Variants in KIAA1328 observed in about 807,000 individuals in gnomAD.
KIAA1328 encodes KIAA1328, also known as protein hinderin.
A neutral mutation model predicts 68.1 loss-of-function variants in KIAA1328; 52 were observed. The ratio of observed to expected loss-of-function variants is 0.76; its 90% CI spans 0.61 to 0.96. KIAA1328 has a LOEUF of 0.96. KIAA1328 is among the 40% of genes least tolerant of loss of function. The pLI is 0.00. For synonymous variants in KIAA1328, 232 were observed against 239.4 expected, an observed-to-expected ratio of 0.97 and a Z score of 0.28; for missense variants, 641 against 677.6, an observed-to-expected ratio of 0.95 and a Z score of 0.60.
At chr18:37,013,539 C>T (rs1372572738) in intron 6 of KIAA1328, among the ~76,000 whole-genome samples, 1 of 152,114 alleles carries the variant, frequency 6.6e-6, no homozygotes, top group Non-Finnish European at 1.5e-5. Context: ...TTGTTGCCAT[C>T]TTCATATCCA....
chr18:37,120,493 G>C (rs540712035), intron 7 of KIAA1328, among the ~76,000 whole-genome samples: 3 of 152,260 alleles, frequency 2.0e-5, no homozygotes, highest in African/African-American at 7.2e-5. Context: ...TAGAATTCCT[G>C]GTAGTTTGAT....
intron 6 of KIAA1328, among the ~76,000 whole-genome samples, chr18:37,031,752 G>GT (rs966996389): frequency 2.0e-5 from 3 of 151,676 alleles, no homozygotes; most frequent in Non-Finnish European, 4.4e-5. Flanking sequence ...CATATTTAGG[G>GT]TTTTTTTAAC....
At chr18:36,991,705 A>G (rs1276418065) in intron 6 of KIAA1328, among the ~76,000 whole-genome samples, 1 of 152,224 alleles carries the variant, frequency 6.6e-6, no homozygotes. Context: ...ATGTGGCTAC[A>G]TGCAGCTGAC....
chr18:37,094,698 T>C (rs964062812), intron 7 of KIAA1328, among the ~76,000 whole-genome samples: 2 of 151,660 alleles, frequency 1.3e-5, no homozygotes, highest in Admixed American at 6.6e-5. Flanking sequence ...AGAAAAGAAA[T>C]AACAAAATTA....
chr18:37,039,975 C>T (rs866094984), intron 6 of KIAA1328, among the ~76,000 whole-genome samples: 26 of 152,110 alleles, frequency 1.7e-4, no homozygotes, highest in Admixed American at 7.9e-4. Context: ...CTTTTCCTTG[C>T]GGTCTTCCAT....
At chr18:37,107,616 G>T (rs1473655355) in intron 7 of KIAA1328, among the ~76,000 whole-genome samples, 1 of 152,076 alleles carries the variant, frequency 6.6e-6, no homozygotes, top group African/African-American at 2.4e-5. Flanking sequence ...ATTTTTCACT[G>T]TGGCTATTGT....
Position 37,030,794 on chromosome 18 carries a change from T to C in KIAA1328, c.577-36096T>C, listed in dbSNP as rs7232809. On this transcript the variant is annotated intron_variant, in intron 6 of 9. Coordinates refer to ENST00000280020, the MANE Select transcript of KIAA1328 (RefSeq NM_020776.3). ...GTGTGCTGCACCCATTAACTCATCA[T>C]TTACATTAGATATTTCCCCTAATGC... Among the ~76,000 whole-genome samples the C allele has an allele frequency of 3.1e-3, 475 of 152,276 alleles. 3 individuals are homozygous for C. Among genetic ancestry groups the C allele is most frequent in the African/African-American group, 0.011 (454 of 41,560 alleles).
At chr18:36,922,372 G>A (rs1283034180) in intron 5 of KIAA1328, among the ~76,000 whole-genome samples, 2 of 152,002 alleles carry the variant, frequency 1.3e-5, no homozygotes, top group African/African-American at 2.4e-5. Context: ...TCTCTCAGTT[G>A]GCAACTTGTT....
At chr18:37,091,873 T>C (rs1276012343) in intron 7 of KIAA1328, among the ~76,000 whole-genome samples, 1 of 152,168 alleles carries the variant, frequency 6.6e-6, no homozygotes, top group Non-Finnish European at 1.5e-5. Flanking sequence ...AGCCAAAGCA[T>C]GCGCTCCCCA....
intron 7 of KIAA1328, chr18:37,075,698 A>G (rs1250150903): frequency 6.6e-6 from 1 of 152,254 alleles, no homozygotes; most frequent in Non-Finnish European, 1.5e-5. Flanking sequence ...CTCTGATAAA[A>G]CAGACTTTAA....
At position 36,848,541 on chromosome 18, in the gene KIAA1328, C is replaced by CTTTTTTTTTTT. The variant is rs59271370; in HGVS notation, c.332+4253_332+4263dup. Among the ~76,000 whole-genome samples, 9 of 38,152 alleles carry CTTTTTTTTTTT rather than the reference C, an allele frequency of 2.4e-4. 1 individual carries two copies. The highest frequency in any genetic ancestry group is 4.6e-4 in the African/African-American group (4 of 8,682). 25.0% of individuals were successfully genotyped at this position (38,152 alleles called of 152,430 possible). A position where few individuals can be genotyped will look rare whatever the true frequency, so the allele number is the denominator to read the frequency against. ...TTTTTTCCTTTCCAATCTATAGATG[C>CTTTTTTTTTTT]TTTTTTTTTTTTTTTTTTTTTTTTG... On this transcript the variant is annotated intron_variant, in intron 4 of 9. Transcript: ENST00000280020.
At chr18:37,190,624 G>A (rs375503600) in intron 9 of KIAA1328, among the ~76,000 whole-genome samples, 3 of 152,276 alleles carry the variant, frequency 2.0e-5, no homozygotes, top group East Asian at 1.9e-4. Flanking sequence ...CTAAGAAAGA[G>A]AGAAAGTTAT....
intron 5 of KIAA1328, among the ~76,000 whole-genome samples, chr18:36,949,035 A>G (rs964113573): frequency 6.6e-6 from 1 of 152,154 alleles, no homozygotes; most frequent in African/African-American, 2.4e-5. Flanking sequence ...CCTTTTTGAA[A>G]TTGGAAGTTT....
intron 5 of KIAA1328, among the ~76,000 whole-genome samples, chr18:36,915,409 T>C (rs565303198): frequency 6.6e-6 from 1 of 152,292 alleles, no homozygotes; most frequent in East Asian, 1.9e-4. Flanking sequence ...CTCCCGTAGG[T>C]TGGGGAAAAA....
intron 9 of KIAA1328, among the ~76,000 whole-genome samples, chr18:37,176,203 A>G (rs1423931316): frequency 6.6e-6 from 1 of 152,214 alleles, no homozygotes; most frequent in Non-Finnish European, 1.5e-5. Context: ...TGTATTGTAG[A>G]CTTGCAGTTA....
chr18:37,047,649 A>C (rs1488218838), intron 6 of KIAA1328, among the ~76,000 whole-genome samples: 9 of 152,182 alleles, frequency 5.9e-5, no homozygotes, highest in Admixed American at 3.9e-4. Flanking sequence ...ATTTCGCATA[A>C]ATGTCAACTC....
At position 36,987,514 on chromosome 18, in the gene KIAA1328, A is replaced by AAT. The variant is rs1452130972; in HGVS notation, c.576+28080_576+28081insTA. 1.1e-4 allele frequency among the ~76,000 whole-genome samples: 16 copies of AAT among 140,166 alleles called. No individual in the cohort carries two copies. The South Asian group carries it at 2.4e-3, about 21-fold the overall frequency. 92.0% of individuals were successfully genotyped at this position (140,166 alleles called of 152,430 possible). A position where few individuals can be genotyped will look rare whatever the true frequency, so the allele number is the denominator to read the frequency against. ...AAAAAATAAATAAATAAATAAAAATAAAAAAATAAAAATTTAGGCTTAGCA... is the reference window on the plus strand; with the variant it reads ...AAAAAATAAATAAATAAATAAAAATAATAAAAAATAAAAATTTAGGCTTAGCA... On this transcript the variant is annotated intron_variant, in intron 6 of 9. Coordinates refer to ENST00000280020, the MANE Select transcript of KIAA1328 (RefSeq NM_020776.3).
chr18:36,868,246 G>C (rs2047823238), intron 4 of KIAA1328, among the ~76,000 whole-genome samples: 1 of 152,154 alleles, frequency 6.6e-6, no homozygotes, highest in South Asian at 2.1e-4. Flanking sequence ...AGTAAATGAA[G>C]GGGTTTCCCT....
At chr18:37,142,185 T>C (rs1413150646) in intron 7 of KIAA1328, among the ~76,000 whole-genome samples, 1 of 134,806 alleles carries the variant, frequency 7.4e-6, no homozygotes, top group Non-Finnish European at 1.5e-5. Flanking sequence ...GTTCATTCTT[T>C]TTCTTTTTTG....
Sources: allele counts gnomAD v4.1 joint callset (sites outside exome capture counted in the v4.1 genomes callset), GRCh38; gene constraint gnomAD v4.1.1; transcripts MANE v1.5; gene names NCBI Gene and HGNC (gene_info 2026-07-23, HGNC 2026-07-21).